The following PRKG1 variants were observed in gnomAD, a reference collection of about 807,000 sequenced individuals.
PRKG1 encodes protein kinase cGMP-dependent 1.
In PRKG1, 35 loss-of-function variants were observed where a neutral mutation model predicts 88.1. That is an observed-to-expected ratio of 0.40 (90% CI 0.30 to 0.53). The LOEUF (loss-of-function observed/expected upper bound fraction) is 0.53. Among genes scored for constraint, PRKG1 ranks in the 20% least tolerant of loss-of-function variants. The pLI is 0.59. For synonymous variants in PRKG1, 303 were observed against 292.5 expected (o/e 1.04, Z -0.37); for missense variants, 540 against 839.8 (o/e 0.64, Z 4.41).
At chr10:51,360,369 G>A (rs1842453955) in intron 2 of PRKG1, among the ~76,000 whole-genome samples, 1 of 151,920 alleles carries the variant, frequency 6.6e-6, no homozygotes, top group Non-Finnish European at 1.5e-5. Context: ...AAAGACATCA[G>A]CCTCCAGCAT....
At position 52,034,342 on chromosome 10, in the gene PRKG1, GTGA is replaced by G. The variant is rs1001254611; in HGVS notation, c.763-20141_763-20139del. On this transcript the variant is annotated intron_variant, in intron 5 of 17. Coordinates refer to ENST00000373980, the MANE Select transcript of PRKG1 (RefSeq NM_006258.4). The stretch of plus-strand genomic sequence containing the variant: ...AGGGCTGCTTCAAGCGGGATTAGGG[GTGA>G]CGTGGGAACCTAGAGTGGGAGAGAT... 1.3e-3 allele frequency among the ~76,000 whole-genome samples: 159 copies of G among 120,530 alleles called. 13 individuals are homozygous for G. The highest frequency in any genetic ancestry group is 2.5e-3 in the Non-Finnish European group (139 of 55,804). 79.1% of individuals were successfully genotyped at this position (120,530 alleles called of 152,430 possible).
chr10:51,486,020 C>T (rs1840526232), intron 3 of PRKG1, among the ~76,000 whole-genome samples: 1 of 152,140 alleles, frequency 6.6e-6, no homozygotes, highest in South Asian at 2.1e-4. Flanking sequence ...CAATCTATCC[C>T]TCCAATTTCT....
intron 3 of PRKG1, among the ~76,000 whole-genome samples, chr10:51,625,077 A>T (rs1398330285): frequency 1.3e-5 from 2 of 152,248 alleles, no homozygotes; most frequent in Non-Finnish European, 2.9e-5. Flanking sequence ...ACTCAAAATT[A>T]ATAAATGTTT....
intron 2 of PRKG1, among the ~76,000 whole-genome samples, chr10:51,159,537 T>C (rs1846309414): frequency 6.6e-6 from 1 of 152,166 alleles, no homozygotes; most frequent in African/African-American, 2.4e-5. Context: ...AAACACCTGA[T>C]TATAAGAGGT....
At position 51,476,948 on chromosome 10, in the gene PRKG1, A is replaced by G. The variant is rs549996308; in HGVS notation, c.592+9112A>G. Among the ~76,000 whole-genome samples, 13 of 152,056 alleles carry G rather than the reference A, an allele frequency of 8.5e-5. No individual in the cohort carries two copies. The South Asian group carries it at 2.1e-3, about 24-fold the overall frequency. The stretch of plus-strand genomic sequence containing the variant: ...ATGTGTAGAATCTCTAACCTTTACA[A>G]TAGTCCTGCACTTTAGGGATCGATA... On this transcript the variant is annotated intron_variant, in intron 3 of 17. Coordinates refer to ENST00000373980, the MANE Select transcript of PRKG1 (RefSeq NM_006258.4).
intron 5 of PRKG1, among the ~76,000 whole-genome samples, chr10:51,963,077 T>G (rs1843484626): frequency 6.7e-6 from 1 of 149,950 alleles, no homozygotes; most frequent in Non-Finnish European, 1.5e-5. Flanking sequence ...TGGCACAAAC[T>G]TTTTTTTTGC....
intron 4 of PRKG1, among the ~76,000 whole-genome samples, chr10:51,825,468 C>T (rs1460424217): frequency 6.6e-6 from 1 of 152,116 alleles, no homozygotes; most frequent in Non-Finnish European, 1.5e-5. Flanking sequence ...AAAAATTTAA[C>T]ATTACACGTT....
At chr10:51,489,163 A>G (rs1398739686) in intron 3 of PRKG1, among the ~76,000 whole-genome samples, 1 of 152,210 alleles carries the variant, frequency 6.6e-6, no homozygotes, top group African/African-American at 2.4e-5. Flanking sequence ...ACTTCACCAT[A>G]GAATGTAAAT....
At chr10:52,157,891 C>T (rs1374000125) in intron 8 of PRKG1, among the ~76,000 whole-genome samples, 1 of 151,570 alleles carries the variant, frequency 6.6e-6, no homozygotes, top group Non-Finnish European at 1.5e-5. Context: ...CCCATTTGCT[C>T]TCTTTCAATA....
intron 2 of PRKG1, among the ~76,000 whole-genome samples, chr10:51,374,314 A>G (rs953869797): frequency 4.8e-5 from 7 of 146,764 alleles, no homozygotes; most frequent in African/African-American, 1.8e-4. Flanking sequence ...TCATTGTTCA[A>G]CTCCCACCCA....
chr10:51,488,448 T>C (rs1301543274), intron 3 of PRKG1, among the ~76,000 whole-genome samples: 1 of 152,132 alleles, frequency 6.6e-6, no homozygotes, highest in Admixed American at 6.6e-5. Flanking sequence ...ACTCATTACA[T>C]TTCAGGAATT....
intron 2 of PRKG1, among the ~76,000 whole-genome samples, chr10:51,266,899 T>G (rs1839849419): frequency 6.6e-6 from 1 of 151,642 alleles, no homozygotes. Flanking sequence ...ACATTTCTTA[T>G]AGGCCAATAT....
intron 5 of PRKG1, among the ~76,000 whole-genome samples, chr10:51,945,027 G>A (rs1224615905): frequency 2.1e-4 from 31 of 150,758 alleles, no homozygotes; most frequent in South Asian, 4.2e-4. Context: ...TTTCTGTCTC[G>A]TTGATCTGTC....
At chr10:51,412,243 A>C (rs1055576849) in intron 2 of PRKG1, among the ~76,000 whole-genome samples, 4 of 150,794 alleles carry the variant, frequency 2.7e-5, no homozygotes, top group Non-Finnish European at 4.4e-5. Context: ...TGTTCAGAAA[A>C]TTATTCAGAA....
At chr10:51,821,966 GA>G (rs2132729518) in intron 4 of PRKG1, among the ~76,000 whole-genome samples, 1 of 152,042 alleles carries the variant, frequency 6.6e-6, no homozygotes, top group South Asian at 2.1e-4. Context: ...ATAGCCAGAG[GA>G]AATCAAATCA....
chr10:52,187,493 A>G (rs1839228693), intron 9 of PRKG1, among the ~76,000 whole-genome samples: 1 of 152,184 alleles, frequency 6.6e-6, no homozygotes, highest in Admixed American at 6.5e-5. Context: ...CCTATGAAAA[A>G]CAATGAGTAG....
At chr10:51,526,359 G>T (rs1313139035) in intron 3 of PRKG1, among the ~76,000 whole-genome samples, 2 of 152,102 alleles carry the variant, frequency 1.3e-5, no homozygotes, top group Admixed American at 6.5e-5. Flanking sequence ...TTAGATTAGT[G>T]CAAAAGTGAT....
At chr10:51,685,165 G>A (rs55851994) in intron 3 of PRKG1, among the ~76,000 whole-genome samples, 3 of 152,002 alleles carry the variant, frequency 2.0e-5, no homozygotes, top group South Asian at 2.1e-4. Context: ...GATACTGTTC[G>A]ACCTTATTAC....
At chr10:51,594,851 C>G (rs1696200289) in intron 3 of PRKG1, among the ~76,000 whole-genome samples, 1 of 152,146 alleles carries the variant, frequency 6.6e-6, no homozygotes, top group African/African-American at 2.4e-5. Context: ...ACTTTAGTAA[C>G]TACAGGACTG....
Sources: gnomAD v4.1 joint callset for allele counts (sites outside exome capture counted in the v4.1 genomes callset) on GRCh38, gnomAD v4.1.1 for gene constraint, MANE v1.5 for transcripts, NCBI Gene and HGNC (gene_info 2026-07-23, HGNC 2026-07-21) for gene names.